ZNF518A: variants seen among roughly 807,000 people sequenced by gnomAD.
ZNF518A encodes the protein zinc finger protein 518A.
In ZNF518A, 47 loss-of-function variants were observed where a neutral mutation model predicts 102.7. The observed-to-expected ratio is 0.46, with a 90% CI of 0.36 to 0.58. The LOEUF is 0.58. ZNF518A is among the 20% of genes least tolerant of loss of function. The probability of loss-of-function intolerance (pLI) is 0.00; values close to 1 mark genes in which losing one functional copy is unlikely to be tolerated. For missense variants in ZNF518A, 1,793 were observed against 1,699.8 expected (o/e 1.05, Z -0.96); for synonymous variants, 652 against 594.6 (o/e 1.10, Z -1.40).
rs2082697183 is a variant in ZNF518A, at chr10:96,156,463, T to G, written c.141T>G (p.Asn47Lys). The G allele has an allele frequency of 6.2e-7, 1 of 1,613,100 alleles. No homozygotes were observed. The highest frequency in any genetic ancestry group is 2.2e-5 in the East Asian group (1 of 44,852). ...GAAGTATTCATTATGCACTAAAAAA[T>G]GTGAAAATTGATTTGCCAAAAATAA... Reference protein sequence around the residue: ...ISGSIHYALKNVKIDLPKINI... With the variant: ...ISGSIHYALKKVKIDLPKINI... Residue 47 changes from asparagine (N) to lysine (K), a missense_variant, in exon 6 of 6, where the codon AAT (asparagine) becomes AAG (lysine). Physicochemically the swap from Asn to Lys is moderately conservative, Grantham distance 94. Coordinates refer to ENST00000316045, the MANE Select transcript of ZNF518A (RefSeq NM_001330736.2).
intron 1 of ZNF518A, chr10:96,190,114 T>A (rs2083305270): frequency 1.0e-6 from 1 of 990,986 alleles, no homozygotes; most frequent in Non-Finnish European, 1.6e-6. Flanking sequence ...CTCATTTTCA[T>A]CATTATCCAC....
chr10:96,195,566 CAAAT>C (rs2083444553), intron 1 of ZNF518A, among the ~76,000 whole-genome samples: 1 of 152,142 alleles, frequency 6.6e-6, no homozygotes, highest in Non-Finnish European at 1.5e-5. Context: ...TCCTAAAGGA[CAAAT>C]ACTGTGTGAT....
Position 96,160,158 on chromosome 10 carries a change from G to C in ZNF518A, c.3836G>C (p.Arg1279Pro). 3 of 1,609,322 alleles carry C rather than the reference G, an allele frequency of 1.9e-6. No homozygotes were observed. Among genetic ancestry groups the C allele is most frequent in the Non-Finnish European group, 2.5e-6 (3 of 1,178,054 alleles). Residue 1279 changes from arginine to proline, a missense_variant, in exon 6 of 6, where the codon CGA becomes CCA. By Grantham distance (103) the Arg-to-Pro change is moderately radical (BLOSUM62 -2). This residue lies in a region of ZNF518A where 1,741 missense variants were observed against 1,622.6 expected (regional missense o/e 1.07). Transcript: ENST00000316045. ...GTATCTAGAAACAGAAACTGTAAACGAAAGTGTAGGGATAGTTACCAAGAA... is the reference window on the plus strand; with the variant it reads ...GTATCTAGAAACAGAAACTGTAAACCAAAGTGTAGGGATAGTTACCAAGAA... The part of the protein sequence containing the change: ...AFVSRNRNCK[R>P]KCRDSYQEPP...
At chr10:96,187,969 C>T (rs2083282575) in intron 1 of ZNF518A, among the ~76,000 whole-genome samples, 1 of 152,238 alleles carries the variant, frequency 6.6e-6, no homozygotes, top group Non-Finnish European at 1.5e-5. Context: ...CCTCAGCCTC[C>T]TGAGTAGTAG....
At chr10:96,135,585 T>A (rs1426964855) in intron 3 of ZNF518A, among the ~76,000 whole-genome samples, 1 of 152,246 alleles carries the variant, frequency 6.6e-6, no homozygotes, top group East Asian at 1.9e-4. Context: ...GTGTCCACTA[T>A]GTACAAGTAT....
intron 1 of ZNF518A, among the ~76,000 whole-genome samples, chr10:96,181,006 G>T (rs1475384449): frequency 5.3e-5 from 8 of 152,178 alleles, no homozygotes; most frequent in Non-Finnish European, 1.0e-4. Flanking sequence ...TCCAGCACCT[G>T]TTGTTTCCTG....
rs2081291909 is a variant in ZNF518A, at chr10:96,130,766, C to T, written c.-453+14C>T. On this transcript the variant is annotated intron_variant, in intron 1 of 5. Coordinates refer to ENST00000316045, the MANE Select transcript of ZNF518A (RefSeq NM_001330736.2). ...AGTTGGCCAAAGGTGCTCTTCCCCGCAGACCCTAACCACACCCAGTGGCAG... is the reference window on the plus strand; with the variant it reads ...AGTTGGCCAAAGGTGCTCTTCCCCGTAGACCCTAACCACACCCAGTGGCAG... 6.6e-6 allele frequency: 1 copy of T among 152,456 alleles called. No individual in the cohort carries two copies. The allele number at this position is 152,456 out of a possible 1,614,324, so 9.4% of individuals were successfully genotyped here. A position where few individuals can be genotyped will look rare whatever the true frequency, so the allele number is the denominator to read the frequency against.
chr10:96,132,774 A>C (rs2081403006), intron 2 of ZNF518A, 104 bp downstream of exon 2: 1 of 152,114 alleles, frequency 6.6e-6, no homozygotes. Context: ...AAGTATCCCA[A>C]ATCCAAAAAT....
In ZNF518A at chr10:96,159,898, C is replaced by G. The variant is rs373130526; in HGVS notation, c.3576C>G (p.Ala1192=). Reference sequence around the variant, plus strand: ...AGAAAGAGCCAGAATCTAGAGATGCCTTACCCTTCTTACTAGATGACTTAA... The same window carrying G: ...AGAAAGAGCCAGAATCTAGAGATGCGTTACCCTTCTTACTAGATGACTTAA... The part of the protein sequence containing the change: ...GEQKEPESRD[A]LPFLLDDLMP... The change falls in exon 6 of 6, where the codon GCC becomes GCG. Residue 1192 remains alanine (A), a synonymous_variant. Coordinates refer to ENST00000316045, the MANE Select transcript of ZNF518A (RefSeq NM_001330736.2). 3.1e-5 allele frequency: 50 copies of G among 1,613,430 alleles called. No individual in the cohort carries two copies. The highest frequency in any genetic ancestry group is 3.5e-5 in the Non-Finnish European group (41 of 1,179,710).
chr10:96,203,945 C>T, exon 3 of ZNF518A: 1 of 814,864 alleles, frequency 1.2e-6, no homozygotes, highest in Non-Finnish European at 2.1e-6. Context: ...GGAGAAGATG[C>T]CAGGATAACG....
At chr10:96,191,002 C>G (rs1410101970) in intron 1 of ZNF518A, among the ~76,000 whole-genome samples, 1 of 152,164 alleles carries the variant, frequency 6.6e-6, no homozygotes, top group Non-Finnish European at 1.5e-5. Flanking sequence ...CCATAATCCC[C>G]ACGTGCCATG....
At chr10:96,148,259 G>A (rs368387122) in intron 3 of ZNF518A, among the ~76,000 whole-genome samples, 5 of 152,114 alleles carry the variant, frequency 3.3e-5, no homozygotes, top group African/African-American at 7.2e-5. Flanking sequence ...TGACCAACAC[G>A]GAGAAACCAT....
intron 3 of ZNF518A, among the ~76,000 whole-genome samples, chr10:96,134,632 A>AGTGAAGTAAAT (rs1377405915): frequency 6.6e-6 from 1 of 152,250 alleles, no homozygotes; most frequent in Non-Finnish European, 1.5e-5. Context: ...CTGTAGTTGT[A>AGTGAAGTAAAT]GTGAAGTAAA....
intron 1 of ZNF518A, among the ~76,000 whole-genome samples, chr10:96,170,532 A>G (rs1554890794): frequency 6.6e-6 from 1 of 152,200 alleles, no homozygotes; most frequent in Non-Finnish European, 1.5e-5. Context: ...GTAACTTAAA[A>G]TACCACAAAG....
chr10:96,199,996 C>T lies in ZNF518A; in HGVS notation n.36-3578C>T, dbSNP rs587735263. The T allele has an allele frequency of 1.3e-4, 139 of 1,064,092 alleles. No homozygotes were observed. In the African/African-American group the frequency reaches 2.2e-3, roughly 17 times the overall value. 65.9% of individuals were successfully genotyped at this position (1,064,092 alleles called of 1,614,324 possible). A position where few individuals can be genotyped will look rare whatever the true frequency, so the allele number is the denominator to read the frequency against. ...TGAGCTGAGATCGAGCCACTGCACT[C>T]CAGTGAAACTGCATCATCTCAAAAC... On this transcript the variant is annotated intron_variant and non_coding_transcript_variant, in intron 1 of 2. Transcript: ENST00000442635.
At chr10:96,142,305 GGT>G (rs60624825) in intron 3 of ZNF518A, among the ~76,000 whole-genome samples, 15,133 of 103,606 alleles carry the variant, frequency 0.15, 765 homozygotes, top group Middle Eastern at 0.22. Context: ...ATATTCTTAG[GGT>G]GTGTGTGTGT....
At chr10:96,203,833 G>T in intron 2 of ZNF518A, 1 of 380,338 alleles carries the variant, frequency 2.6e-6, no homozygotes, top group Non-Finnish European at 4.7e-6. Context: ...ATATTAAATC[G>T]CTACTAAAAA....
intron 1 of ZNF518A, chr10:96,189,368 A>T: frequency 1.8e-6 from 1 of 568,764 alleles, no homozygotes; most frequent in Non-Finnish European, 3.3e-6. Flanking sequence ...TTCTAAAGAG[A>T]CTTCCTCCAC....
At chr10:96,171,003 A>C (rs2083169964) in intron 1 of ZNF518A, among the ~76,000 whole-genome samples, 1 of 152,024 alleles carries the variant, frequency 6.6e-6, no homozygotes, top group South Asian at 2.1e-4. Flanking sequence ...AATGAAAACC[A>C]AAACCATGTG....
Sources: allele counts gnomAD v4.1 joint callset (sites outside exome capture counted in the v4.1 genomes callset), GRCh38; gene constraint gnomAD v4.1.1; regional missense constraint gnomAD v4.1.1; transcripts MANE v1.5; gene names NCBI Gene and HGNC (gene_info 2026-07-23, HGNC 2026-07-21).